The following KIF25 variants were observed in gnomAD, a reference collection of about 807,000 sequenced individuals.
KIF25 encodes kinesin family member 25.
Under a neutral mutation model 32.9 loss-of-function variants are expected in KIF25, and 19 were observed. The observed-to-expected ratio is 0.58, with a 90% CI of 0.40 to 0.85. KIF25 has a LOEUF of 0.85. KIF25 is among the 40% of genes least tolerant of loss of function. KIF25 has a pLI of 0.00. For missense variants in KIF25, 485 were observed against 507.0 expected, an observed-to-expected ratio of 0.96 and a Z score of 0.42; for synonymous variants, 225 against 213.7, an observed-to-expected ratio of 1.05 and a Z score of -0.46.
intron 7 of KIF25, 32 bp from the exon 8 acceptor site, chr6:168,033,850 T>C (rs766174511): frequency 7.5e-6 from 12 of 1,591,592 alleles, no homozygotes; most frequent in Non-Finnish European, 1.0e-5. Flanking sequence ...CCCACGTGTG[T>C]TTTGCTGGAC....
intron 4 of KIF25, among the ~76,000 whole-genome samples, chr6:168,006,179 A>G (rs1272054972): frequency 6.6e-6 from 1 of 151,898 alleles, no homozygotes; most frequent in Non-Finnish European, 1.5e-5. Context: ...GTAAAGTGTG[A>G]TGAATGGCAT....
intron 5 of KIF25, among the ~76,000 whole-genome samples, chr6:168,027,475 A>C (rs1269113380): frequency 7.1e-6 from 1 of 141,470 alleles, no homozygotes; most frequent in Admixed American, 7.0e-5. Flanking sequence ...AAAAAAAAAA[A>C]GAGAGAGAGA....
intron 4 of KIF25, among the ~76,000 whole-genome samples, chr6:168,013,198 G>A (rs538562870): frequency 6.6e-6 from 1 of 151,956 alleles, no homozygotes; most frequent in African/African-American, 2.4e-5. Context: ...TAGCCACTAG[G>A]AGGCTCAGGT....
intron 6 of KIF25, among the ~76,000 whole-genome samples, 197 bp downstream of exon 6, chr6:168,029,874 A>C (rs1439089501): frequency 7.2e-6 from 1 of 139,512 alleles, no homozygotes; most frequent in Non-Finnish European, 1.6e-5. Context: ...GGAACACCTC[A>C]TAAGGGTCCC....
chr6:168,025,563 G>A lies in KIF25; in HGVS notation c.-94-3929G>A, dbSNP rs549908055. Among the ~76,000 whole-genome samples, 28 of 152,112 alleles carry A rather than the reference G, an allele frequency of 1.8e-4. No individual in the cohort carries two copies. In the South Asian group the frequency reaches 3.3e-3, roughly 18 times the overall value. On this transcript the variant is annotated intron_variant, in intron 5 of 12. Coordinates refer to ENST00000643607, the MANE Select transcript of KIF25 (RefSeq NM_030615.4). ...TGGTAAAAGCTTTTTCCTTCCTCCC[G>A]ACCCCACCTCCAATCCTTGCAGTTT...
At chr6:168,032,245 C>T (rs929775292) in intron 7 of KIF25, among the ~76,000 whole-genome samples, 1 of 152,220 alleles carries the variant, frequency 6.6e-6, no homozygotes, top group African/African-American at 2.4e-5. Context: ...AGGAGGAAGT[C>T]CATTCAGATG....
chr6:168,029,094 G>A (rs978964979), intron 5 of KIF25, among the ~76,000 whole-genome samples: 2 of 152,146 alleles, frequency 1.3e-5, no homozygotes, highest in Non-Finnish European at 2.9e-5. Flanking sequence ...AACTGCATAA[G>A]CCAATCATAG....
chr6:168,028,611 A>C (rs1034710033), intron 5 of KIF25, among the ~76,000 whole-genome samples: 7 of 152,250 alleles, frequency 4.6e-5, no homozygotes, highest in Admixed American at 6.5e-5. Flanking sequence ...AAAACTTTGG[A>C]GCTCCAGGAA....
rs199500143 is a variant in KIF25, at chr6:168,038,683, G to T, written c.448G>T (p.Val150Leu). ...AGTGTCGGGGGTCAAGCGTGAGGTG[G>T]TGACAGCCAAGGATGGACGGACAGA... ...AAVSGVKREV[V>L]TAKDGRTEVA... is the part of the protein sequence containing the mutation. The change falls in exon 9 of 13, where the codon GTG becomes TTG. Residue 150 changes from valine (V) to leucine (L), a missense_variant. Transcript: ENST00000643607. 1 of 1,614,108 alleles carries T rather than the reference G, an allele frequency of 6.2e-7. No individual in the cohort carries two copies. Among genetic ancestry groups the T allele is most frequent in the Admixed American group, 1.7e-5 (1 of 60,028 alleles).
chr6:168,039,504 C>T (rs1759467152), intron 9 of KIF25, among the ~76,000 whole-genome samples: 1 of 152,190 alleles, frequency 6.6e-6, no homozygotes, highest in South Asian at 2.1e-4. Flanking sequence ...CCATCCTGGG[C>T]CCCGGAGGCA....
chr6:168,026,547 T>TA (rs936741952), intron 5 of KIF25, among the ~76,000 whole-genome samples: 4 of 152,302 alleles, frequency 2.6e-5, no homozygotes, highest in Admixed American at 2.0e-4. Context: ...TTTATGGAAC[T>TA]AACGAATGTC....
chr6:168,004,859 A>G (rs1287494080), intron 4 of KIF25, among the ~76,000 whole-genome samples: 1 of 152,230 alleles, frequency 6.6e-6, no homozygotes, highest in Admixed American at 6.5e-5. Flanking sequence ...GGTGGGACAC[A>G]GTGGGACTGA....
intron 4 of KIF25, among the ~76,000 whole-genome samples, chr6:168,009,327 G>T (rs1583126999): frequency 6.6e-6 from 1 of 151,392 alleles, no homozygotes; most frequent in Middle Eastern, 3.4e-3. Context: ...CTTTGGAGAT[G>T]ATCACATGAT....
rs145986543 is a variant in KIF25, at chr6:168,025,459, C to A, written c.-94-4033C>A. On this transcript the variant is annotated intron_variant, in intron 5 of 12. Coordinates refer to ENST00000643607, the MANE Select transcript of KIF25 (RefSeq NM_030615.4). ...CTTGCATCCCAATAAATGAGCATTT[C>A]ATTTAAATTGTGTTTAAAATCGTGG... 3.1e-3 allele frequency among the ~76,000 whole-genome samples: 475 copies of A among 152,194 alleles called. 3 individuals carry two copies. The highest frequency in any genetic ancestry group is 0.011 in the African/African-American group (442 of 41,506).
At chr6:168,038,526 A>G (rs1463014165) in intron 8 of KIF25, 27 bp from the exon 9 acceptor site, 2 of 1,611,450 alleles carry the variant, frequency 1.2e-6, no homozygotes, top group Non-Finnish European at 1.7e-6. Flanking sequence ...GACTTTCTGT[A>G]AGTTTCTCTT....
chr6:168,026,025 C>T (rs1290462051), intron 5 of KIF25, among the ~76,000 whole-genome samples: 1 of 152,308 alleles, frequency 6.6e-6, no homozygotes, highest in South Asian at 2.1e-4. Flanking sequence ...GGCCGTTGGT[C>T]GTCCCAGGAG....
chr6:168,022,799 T>G lies in KIF25; in HGVS notation c.-95+4759T>G, dbSNP rs78717976. 6.2e-3 allele frequency among the ~76,000 whole-genome samples: 932 copies of G among 149,342 alleles called. 14 individuals carry two copies. The highest frequency in any genetic ancestry group is 0.022 in the African/African-American group (880 of 40,558). On this transcript the variant is annotated intron_variant, in intron 5 of 12. Transcript: ENST00000643607. The stretch of plus-strand genomic sequence containing the variant: ...TTTTTTTTTTTTGGTAGGAGACTTG[T>G]GTACTCTTGGCTGTGGGTTTGCAAC...
chr6:168,009,743 C>T (rs181737313), intron 4 of KIF25, among the ~76,000 whole-genome samples: 79 of 152,128 alleles, frequency 5.2e-4, no homozygotes, highest in Admixed American at 1.6e-3. Flanking sequence ...CTGACTTGGT[C>T]TCATTACTTG....
chr6:168,022,690 T>G (rs1798803116), intron 5 of KIF25, among the ~76,000 whole-genome samples: 1 of 152,166 alleles, frequency 6.6e-6, no homozygotes. Context: ...CTGTAGTGAT[T>G]TATTTATTTT....
Sources: gnomAD v4.1 joint callset for allele counts (sites outside exome capture counted in the v4.1 genomes callset) on GRCh38, gnomAD v4.1.1 for gene constraint, MANE v1.5 for transcripts, NCBI Gene and HGNC (gene_info 2026-07-23, HGNC 2026-07-21) for gene names.